Variants in ELP3 observed in about 807,000 individuals in gnomAD.
ELP3 encodes elongator complex protein 3.
Under a neutral mutation model 74.9 loss-of-function variants are expected in ELP3, and 56 were observed. The observed-to-expected ratio is 0.75, with a 90% confidence interval of 0.60 to 0.93. The LOEUF is 0.93. Ranked by LOEUF, ELP3 falls within the 40% of genes least tolerant of loss-of-function variation. The probability of loss-of-function intolerance (pLI) is 0.00; values close to 1 mark genes in which losing one functional copy is unlikely to be tolerated. For missense variants in ELP3, 573 were observed against 686.5 expected, an observed-to-expected ratio of 0.83 and a Z score of 1.85; for synonymous variants, 222 against 239.8, an observed-to-expected ratio of 0.93 and a Z score of 0.68.
chr8:28,159,684 T>G (rs1454629865), intron 12 of ELP3, among the ~76,000 whole-genome samples: 1 of 152,220 alleles, frequency 6.6e-6, no homozygotes, highest in Non-Finnish European at 1.5e-5. Context: ...CTCTAACATT[T>G]TTATCCCATA....
At position 28,099,942 on chromosome 8, in the gene ELP3, G is replaced by T. The variant is rs371724168; in HGVS notation, c.234G>T (p.Ala78=). The part of the protein sequence containing the change: ...YRKVLMPKLK[A]KPIRTASGIA... ...AGGTCTTGATGCCCAAGTTAAAGGCGAAACCCATCAGAACTGCTAGTGGGG... is the reference window on the plus strand; with the variant it reads ...AGGTCTTGATGCCCAAGTTAAAGGCTAAACCCATCAGAACTGCTAGTGGGG... The change falls in exon 3 of 15, where the codon GCG becomes GCT. Residue 78 remains alanine (A), a synonymous_variant. Coordinates refer to ENST00000256398, the MANE Select transcript of ELP3 (RefSeq NM_018091.6). 1 of 1,614,176 alleles carries T rather than the reference G, an allele frequency of 6.2e-7. No individual in the cohort carries two copies. The highest frequency in any genetic ancestry group is 2.2e-5 in the East Asian group (1 of 44,880).
At chr8:28,116,851 A>C (rs948904110) in intron 7 of ELP3, among the ~76,000 whole-genome samples, 1 of 152,242 alleles carries the variant, frequency 6.6e-6, no homozygotes, top group Admixed American at 6.5e-5. Flanking sequence ...ATTACTCTTA[A>C]TAATACTGAA....
At chr8:28,105,310 A>G (rs1199835807) in intron 3 of ELP3, among the ~76,000 whole-genome samples, 3 of 152,292 alleles carry the variant, frequency 2.0e-5, no homozygotes, top group African/African-American at 7.2e-5. Context: ...GAATTGCTTG[A>G]ACCCAGGAGG....
At chr8:28,174,162 T>C (rs1270131988) in intron 14 of ELP3, among the ~76,000 whole-genome samples, 1 of 152,074 alleles carries the variant, frequency 6.6e-6, no homozygotes, top group Non-Finnish European at 1.5e-5. Context: ...TCTTTTGTCT[T>C]AATTTTTTTA....
chr8:28,101,487 C>T (rs1811484432), intron 3 of ELP3, among the ~76,000 whole-genome samples: 1 of 152,148 alleles, frequency 6.6e-6, no homozygotes, highest in Non-Finnish European at 1.5e-5. Context: ...CCTTTTTCTA[C>T]CCTAGGGCAA....
intron 14 of ELP3, 35 bp from the exon 15 acceptor site, chr8:28,189,614 T>G: frequency 6.2e-7 from 1 of 1,610,256 alleles, no homozygotes; most frequent in Middle Eastern, 1.7e-4. Context: ...ATTGCTAAAG[T>G]GAATGCTCCT....
At chr8:28,130,513 C>T (rs1563263514) in intron 8 of ELP3, among the ~76,000 whole-genome samples, 1 of 152,174 alleles carries the variant, frequency 6.6e-6, no homozygotes, top group South Asian at 2.1e-4. Context: ...GAATAGAGAT[C>T]TGTTGAATAT....
chr8:28,154,716 C>T lies in ELP3; in HGVS notation c.1101-1226C>T, dbSNP rs185087984. The stretch of plus-strand genomic sequence containing the variant: ...GCCTTCATTTAGCGTCATCTGATTA[C>T]TAATTTTAAAATGTATTTGATTTTA... On this transcript the variant is annotated intron_variant, in intron 10 of 14. Coordinates refer to ENST00000256398, the MANE Select transcript of ELP3 (RefSeq NM_018091.6). Among the ~76,000 whole-genome samples the T allele has an allele frequency of 6.6e-5, 10 of 152,172 alleles. No individual in the cohort carries two copies. The South Asian group carries it at 8.3e-4, about 13-fold the overall frequency.
Position 28,112,999 on chromosome 8 carries a change from C to G in ELP3, c.463-20C>G. On this transcript the variant is annotated intron_variant, in intron 6 of 14. Transcript: ENST00000256398. Reference sequence around the variant, plus strand: ...TCCTTATGCTTATATCATTCTAATGCTGATGAATTTGTCTTTCAGTTAAAA... The same window carrying G: ...TCCTTATGCTTATATCATTCTAATGGTGATGAATTTGTCTTTCAGTTAAAA... 6.2e-7 allele frequency: 1 copy of G among 1,609,140 alleles called. No homozygotes were observed. Among genetic ancestry groups the G allele is most frequent in the Non-Finnish European group, 8.5e-7 (1 of 1,177,510 alleles).
chr8:28,183,183 TCTCCCCAAAGGGG>T (rs1815088201), intron 14 of ELP3: 2 of 458,288 alleles, frequency 4.4e-6, no homozygotes, highest in Non-Finnish European at 4.4e-6. Flanking sequence ...CTTGTTTTCT[TCTCCCCAAAGGGG>T]TGGATGTCCT....
rs575586686 is a variant in ELP3, at chr8:28,125,750, G to A, written c.618-3752G>A. ...GCCACTTCTAGCTTTTTGTTCTGTA[G>A]TCATTTCTCTTTTTTTTTTTTTTTT... is the stretch of plus-strand genomic sequence containing the variant. On this transcript the variant is annotated intron_variant, in intron 7 of 14. Transcript: ENST00000256398. Among the ~76,000 whole-genome samples the A allele has an allele frequency of 2.4e-4, 31 of 129,066 alleles. No homozygotes were observed. The East Asian group carries it at 6.1e-3, about 25-fold the overall frequency. The allele number at this position is 129,066 out of a possible 152,430, so 84.7% of individuals were successfully genotyped here.
chr8:28,106,037 C>A (rs1563249147), intron 3 of ELP3, among the ~76,000 whole-genome samples: 1 of 152,156 alleles, frequency 6.6e-6, no homozygotes, highest in South Asian at 2.1e-4. Flanking sequence ...CATAGAATTG[C>A]TTAAAGAAAT....
At chr8:28,123,650 A>G (rs1812457663) in intron 7 of ELP3, among the ~76,000 whole-genome samples, 1 of 152,158 alleles carries the variant, frequency 6.6e-6, no homozygotes, top group Non-Finnish European at 1.5e-5. Flanking sequence ...ATCTCTCTTC[A>G]TTTATATTGA....
chr8:28,110,177 C>T (rs993941706), intron 5 of ELP3, among the ~76,000 whole-genome samples, 193 bp from the exon 6 acceptor site: 1 of 152,158 alleles, frequency 6.6e-6, no homozygotes, highest in East Asian at 1.9e-4. Flanking sequence ...TTTATGACAG[C>T]GTGAGTGGAC....
At chr8:28,175,984 T>A (rs1814737277) in intron 14 of ELP3, among the ~76,000 whole-genome samples, 1 of 151,798 alleles carries the variant, frequency 6.6e-6, no homozygotes, top group African/African-American at 2.4e-5. Context: ...CTGGCTAATT[T>A]TTTTGTATTT....
intron 13 of ELP3, among the ~76,000 whole-genome samples, chr8:28,160,698 G>A (rs1814041849): frequency 6.6e-6 from 1 of 152,108 alleles, no homozygotes; most frequent in South Asian, 2.1e-4. Flanking sequence ...GAACCACATG[G>A]AATTGGTTTT....
chr8:28,144,163 A>G (rs10104739), intron 10 of ELP3, among the ~76,000 whole-genome samples: 55,262 of 152,034 alleles, frequency 0.36, 10,725 homozygotes, highest in East Asian at 0.65. Context: ...AAAGTTCATA[A>G]ATGTTGCCTC....
At chr8:28,125,641 G>A (rs1812541904) in intron 7 of ELP3, among the ~76,000 whole-genome samples, 1 of 152,030 alleles carries the variant, frequency 6.6e-6, no homozygotes, top group African/African-American at 2.4e-5. Flanking sequence ...ATAATAGATA[G>A]TGCTTCTGTC....
At position 28,109,370 on chromosome 8, in the gene ELP3, T is replaced by C. The variant is rs1463387057; in HGVS notation, c.394-1000T>C. 2.8e-4 allele frequency among the ~76,000 whole-genome samples: 43 copies of C among 152,188 alleles called. 1 individual carries two copies. The highest frequency in any genetic ancestry group is 2.8e-3 in the Admixed American group (43 of 15,274). On this transcript the variant is annotated intron_variant, in intron 5 of 14. Transcript: ENST00000256398. Reference sequence around the variant, plus strand: ...CTTGTTTTCTAGGGTTCAAATTTTTTAAAATACAAGAGGAATGATTTCGTG... The same window carrying C: ...CTTGTTTTCTAGGGTTCAAATTTTTCAAAATACAAGAGGAATGATTTCGTG...
Sources: allele counts gnomAD v4.1 joint callset (sites outside exome capture counted in the v4.1 genomes callset), GRCh38; gene constraint gnomAD v4.1.1; transcripts MANE v1.5; gene names NCBI Gene and HGNC (gene_info 2026-07-23, HGNC 2026-07-21).